The following RGMA variants were observed in gnomAD, a reference collection of about 807,000 sequenced individuals.
The protein encoded by RGMA is repulsive guidance molecule BMP co-receptor a, also known as repulsive guidance molecule A.
RGMA carries 10 observed loss-of-function variants against 23.2 expected under a neutral mutation model. The observed-to-expected ratio is 0.43, with a 90% CI of 0.27 to 0.73. RGMA has a LOEUF of 0.73. Among genes scored for constraint, RGMA ranks in the 30% least tolerant of loss-of-function variants. RGMA has a pLI of 0.20. For missense variants in RGMA, 547 were observed against 630.5 expected, an observed-to-expected ratio of 0.87 and a Z score of 1.42; for synonymous variants, 308 against 279.3, an observed-to-expected ratio of 1.10 and a Z score of -1.03.
At chr15:93,081,576 G>A (rs180811559) in intron 1 of RGMA, among the ~76,000 whole-genome samples, 5 of 152,262 alleles carry the variant, frequency 3.3e-5, no homozygotes, top group Admixed American at 2.6e-4. Context: ...TCCCCATTCC[G>A]GTAAGTTCTT....
intron 2 of RGMA, among the ~76,000 whole-genome samples, chr15:93,069,761 T>A (rs1236314972): frequency 6.6e-6 from 1 of 152,232 alleles, no homozygotes; most frequent in African/African-American, 2.4e-5. Flanking sequence ...CAAGGAAGGC[T>A]AATGCTGCTG....
chr15:93,047,217 G>A (rs570080848), intron 3 of RGMA, among the ~76,000 whole-genome samples: 2 of 152,286 alleles, frequency 1.3e-5, no homozygotes, highest in South Asian at 4.1e-4. Flanking sequence ...TGCCGTCCGC[G>A]TCCTGGGTGG....
In RGMA at chr15:93,037,674, G is replaced by A. The variant is rs2054675807; in HGVS notation, c.*7324C>T. The A allele has an allele frequency of 6.6e-6, 1 of 152,284 alleles. No individual in the cohort carries two copies. Among genetic ancestry groups the A allele is most frequent in the Non-Finnish European group, 1.5e-5 (1 of 68,072 alleles). The allele number at this position is 152,284 out of a possible 1,614,324, so 9.4% of individuals were successfully genotyped here. ...GAGCTCAAAACCAATTCCCCAGACA[G>A]TGTCTGAACACGTCTTTGTTCTTCT... On this transcript the variant is annotated 3_prime_UTR_variant, in exon 4 of 4. Transcript: ENST00000329082. The surrounding 1 kb of genome is among the most constrained non-coding windows in gnomAD (Gnocchi z 4.3).
chr15:93,066,062 C>A (rs1029128523), intron 2 of RGMA: 8 of 1,515,498 alleles, frequency 5.3e-6, no homozygotes, highest in Non-Finnish European at 7.3e-6. Flanking sequence ...GGTGGTGGGG[C>A]AACTGAGGGA....
intron 1 of RGMA, among the ~76,000 whole-genome samples, chr15:93,078,341 G>A (rs1399932270): frequency 6.6e-6 from 1 of 152,158 alleles, no homozygotes; most frequent in African/African-American, 2.4e-5. Flanking sequence ...TTCACTTACT[G>A]ACCAAGAATT....
rs12708600 is a variant in RGMA, at chr15:93,042,392, C to T, written c.*2606G>A. ...ACGACCAGACAAGCCATGTGTGCCC[C>T]GCCCTCTCCTAAGCAATTTACAGGA... On this transcript the variant is annotated 3_prime_UTR_variant, in exon 4 of 4. Transcript: ENST00000329082. 52,647 of 152,112 alleles carry T rather than the reference C, an allele frequency of 0.35. 11,271 individuals are homozygous for T. Among genetic ancestry groups the T allele is most frequent in the Non-Finnish European group, 0.49 (33,493 of 68,046 alleles). 9.4% of individuals were successfully genotyped at this position (152,112 alleles called of 1,614,324 possible).
intron 1 of RGMA, chr15:93,088,628 G>A (rs905365361): frequency 2.6e-5 from 26 of 1,012,360 alleles, no homozygotes; most frequent in African/African-American, 5.1e-5. Flanking sequence ...GGAGCTCCCA[G>A]CCCGCACACG....
intron 2 of RGMA, among the ~76,000 whole-genome samples, chr15:93,070,844 T>C (rs1895298691): frequency 6.6e-6 from 1 of 152,196 alleles, no homozygotes; most frequent in Non-Finnish European, 1.5e-5. Context: ...GAAACAAAAG[T>C]GATGGAATTT....
chr15:93,072,031 A>G (rs893130087), intron 2 of RGMA, among the ~76,000 whole-genome samples: 6 of 152,244 alleles, frequency 3.9e-5, no homozygotes, highest in Non-Finnish European at 8.8e-5. Flanking sequence ...TGAGCAGCAT[A>G]TGGCAAAAAT....
rs1477489951 is a variant in RGMA, at chr15:93,045,234, G to C, written c.1117C>G (p.Leu373Val). The part of the protein sequence containing the change: ...KCKEKLPVED[L>V]YYQACVFDLL... ...TCGAAGACGCAGGCCTGGTAGTACAGGTCCTCCACCGGCAGCTTCTCCTTG... is the reference window on the plus strand; with the variant it reads ...TCGAAGACGCAGGCCTGGTAGTACACGTCCTCCACCGGCAGCTTCTCCTTG... Residue 373 changes from leucine (L) to valine (V), a missense_variant, in exon 4 of 4, where the codon CTG becomes GTG. Leu to Val is a conservative substitution (Grantham distance 32). Around this residue, in one of 3 missense-constraint regions of RGMA, gnomAD observed 205 missense variants for 204.1 expected, o/e 1.00. Coordinates refer to ENST00000329082, the MANE Select transcript of RGMA (RefSeq NM_020211.3). The surrounding 1 kb of genome is among the most constrained non-coding windows in gnomAD (Gnocchi z 6.9). The C allele has an allele frequency of 6.2e-7, 1 of 1,612,814 alleles. No individual in the cohort carries two copies. Among genetic ancestry groups the C allele is most frequent in the African/African-American group, 1.3e-5 (1 of 74,904 alleles).
At chr15:93,067,257 G>GA (rs1895187601) in intron 2 of RGMA, among the ~76,000 whole-genome samples, 1 of 151,368 alleles carries the variant, frequency 6.6e-6, no homozygotes, top group Admixed American at 6.6e-5. Flanking sequence ...AATTATTTTG[G>GA]AAAAAAACTT....
At chr15:93,056,270 G>A (rs1262556418) in intron 2 of RGMA, among the ~76,000 whole-genome samples, 1 of 152,260 alleles carries the variant, frequency 6.6e-6, no homozygotes, top group African/African-American at 2.4e-5. Flanking sequence ...AGGATGGGGA[G>A]GGGGCTGGTG....
intron 1 of RGMA, among the ~76,000 whole-genome samples, chr15:93,087,697 G>T (rs146253266): frequency 6.6e-6 from 1 of 152,188 alleles, no homozygotes; most frequent in African/African-American, 2.4e-5. Flanking sequence ...CCAGATACCT[G>T]CGGAAGGGGC....
intron 2 of RGMA, chr15:93,065,737 G>A: frequency 8.4e-7 from 1 of 1,193,614 alleles, no homozygotes; most frequent in Non-Finnish European, 1.2e-6. Flanking sequence ...ACCATCAGCG[G>A]GACCGTGGCT....
chr15:93,084,766 C>A (rs554639858), intron 1 of RGMA, among the ~76,000 whole-genome samples: 17 of 152,142 alleles, frequency 1.1e-4, no homozygotes, highest in Non-Finnish European at 1.5e-5. Flanking sequence ...AACCACCGTG[C>A]CTGGCTATCT....
intron 2 of RGMA, chr15:93,065,849 C>T: frequency 2.6e-6 from 2 of 756,282 alleles, no homozygotes; most frequent in Non-Finnish European, 4.7e-6. Context: ...CTGTTGCTGC[C>T]CCTCCAATGG....
intron 1 of RGMA, among the ~76,000 whole-genome samples, chr15:93,075,546 AGT>A (rs1400350252): frequency 1.3e-5 from 2 of 152,204 alleles, no homozygotes; most frequent in Non-Finnish European, 2.9e-5. Context: ...ATCATAGTGA[AGT>A]TTGCTTGCTG....
intron 2 of RGMA, chr15:93,066,387 C>T (rs1279531061): frequency 1.2e-5 from 8 of 652,760 alleles, no homozygotes; most frequent in East Asian, 1.2e-4. Flanking sequence ...CGCGTGACTC[C>T]AGGTGGGGGA....
intron 2 of RGMA, chr15:93,065,793 G>A: frequency 2.0e-6 from 2 of 1,004,276 alleles, no homozygotes; most frequent in South Asian, 1.3e-5. Context: ...GCTGGCTGGG[G>A]TGGTCTGGGC....
Sources: gnomAD v4.1 joint callset for allele counts (sites outside exome capture counted in the v4.1 genomes callset) on GRCh38, gnomAD v4.1.1 for gene constraint, gnomAD v4.1.1 regional missense constraint, Gnocchi (gnomAD v3.1) non-coding constraint, MANE v1.5 for transcripts, NCBI Gene and HGNC (gene_info 2026-07-23, HGNC 2026-07-21) for gene names.